Variants in CATSPERE observed in about 807,000 individuals in gnomAD.
The protein encoded by CATSPERE is catsper channel auxiliary subunit epsilon.
Under a neutral mutation model 114.1 loss-of-function variants are expected in CATSPERE, and 93 were observed. The ratio of observed to expected loss-of-function variants is 0.81; its 90% CI spans 0.69 to 0.97. CATSPERE has a LOEUF of 0.97. Ranked by LOEUF, CATSPERE falls within the 50% of genes least tolerant of loss-of-function variation. The probability of loss-of-function intolerance (pLI) is 0.00; values close to 1 mark genes in which losing one functional copy is unlikely to be tolerated. For missense variants in CATSPERE, 1,058 were observed against 1,131.6 expected, an observed-to-expected ratio of 0.93 and a Z score of 0.93; for synonymous variants, 341 against 384.1, an observed-to-expected ratio of 0.89 and a Z score of 1.31.
chr1:244,634,905 C>T (rs12059463), intron 20 of CATSPERE, among the ~76,000 whole-genome samples: 8,375 of 152,226 alleles, frequency 0.055, 792 homozygotes, highest in African/African-American at 0.19. Context: ...AGTGCAGCGG[C>T]GCAATCTCAG....
At chr1:244,462,659 G>A (rs1374549992) in intron 1 of CATSPERE, among the ~76,000 whole-genome samples, 1 of 152,130 alleles carries the variant, frequency 6.6e-6, no homozygotes, top group Non-Finnish European at 1.5e-5. Context: ...GATGACAATA[G>A]ATTTCATTTT....
At chr1:244,505,815 G>A (rs1674732253) in intron 7 of CATSPERE, among the ~76,000 whole-genome samples, 1 of 151,984 alleles carries the variant, frequency 6.6e-6, no homozygotes, top group African/African-American at 2.4e-5. Flanking sequence ...GACCATCCTG[G>A]CTAACACAGT....
chr1:244,592,943 C>G (rs1003213735), intron 15 of CATSPERE, among the ~76,000 whole-genome samples: 4 of 152,196 alleles, frequency 2.6e-5, no homozygotes, highest in African/African-American at 9.6e-5. Flanking sequence ...TCCTTGAGTT[C>G]ATGAACGTGA....
intron 8 of CATSPERE, among the ~76,000 whole-genome samples, chr1:244,525,495 TAAATA>T (rs969043677): frequency 6.2e-5 from 9 of 145,870 alleles, no homozygotes; most frequent in Non-Finnish European, 1.5e-5. Flanking sequence ...ATAATAATAA[TAAATA>T]AAATATAATA....
At chr1:244,634,604 A>G (rs1674378231) in intron 20 of CATSPERE, among the ~76,000 whole-genome samples, 1 of 152,244 alleles carries the variant, frequency 6.6e-6, no homozygotes, top group African/African-American at 2.4e-5. Flanking sequence ...CCTAATACTC[A>G]GCTTCCTGAA....
intron 7 of CATSPERE, among the ~76,000 whole-genome samples, chr1:244,515,816 C>T (rs1676514665): frequency 6.6e-6 from 1 of 150,626 alleles, no homozygotes; most frequent in African/African-American, 2.4e-5. Flanking sequence ...TTTTTAATAA[C>T]AATACTATTA....
chr1:244,503,055 T>C (rs1290819591), intron 7 of CATSPERE, among the ~76,000 whole-genome samples: 1 of 152,170 alleles, frequency 6.6e-6, no homozygotes, highest in African/African-American at 2.4e-5. Context: ...GATGCTTGAG[T>C]TGATGATGCT....
Position 244,471,338 on chromosome 1 carries a change from C to T in CATSPERE, c.115-6203C>T, listed in dbSNP as rs185289403. ...AATCAAGATCCAGATAAGGTTTATA[C>T]ATTATGATTATATATTTCTTTAGTT... On this transcript the variant is annotated intron_variant, in intron 2 of 21. Coordinates refer to ENST00000366534, the MANE Select transcript of CATSPERE (RefSeq NM_001130957.2). Among the ~76,000 whole-genome samples the T allele has an allele frequency of 1.1e-4, 16 of 152,202 alleles. No homozygotes were observed. In the East Asian group the frequency reaches 3.1e-3, roughly 29 times the overall value.
Position 244,610,561 on chromosome 1 carries a change from G to A in CATSPERE, c.2490+235G>A, listed in dbSNP as rs952087358. On this transcript the variant is annotated intron_variant, in intron 19 of 21. Transcript: ENST00000366534. ...TTTTCACTGCTGTAAATATGTGTTTGCAGATTATTAAATATGTGTTAAACA... is the reference window on the plus strand; with the variant it reads ...TTTTCACTGCTGTAAATATGTGTTTACAGATTATTAAATATGTGTTAAACA... 2.9e-5 allele frequency: 17 copies of A among 590,008 alleles called. 1 individual carries two copies. Among genetic ancestry groups the A allele is most frequent in the East Asian group, 2.0e-4 (6 of 29,542 alleles). 36.5% of individuals were successfully genotyped at this position (590,008 alleles called of 1,614,324 possible).
upstream of CATSPERE, chr1:244,451,867 T>G (rs1397444727): frequency 1.3e-6 from 2 of 1,489,442 alleles, no homozygotes; most frequent in Non-Finnish European, 8.9e-7. This position sits in a 1 kb window ranked among gnomAD's most constrained non-coding sequence, Gnocchi z 6.6. Flanking sequence ...CGGCGAGGAG[T>G]GAGCGAACTG....
chr1:244,493,155 A>G (rs1317613959), intron 6 of CATSPERE, among the ~76,000 whole-genome samples: 2 of 152,184 alleles, frequency 1.3e-5, no homozygotes. Flanking sequence ...CTAAGCCAAA[A>G]GAACAAAGCT....
At chr1:244,521,208 G>A (rs1349960057) in intron 8 of CATSPERE, among the ~76,000 whole-genome samples, 1 of 152,050 alleles carries the variant, frequency 6.6e-6, no homozygotes, top group African/African-American at 2.4e-5. Context: ...TTAAAAATTA[G>A]CCAAGTGTAG....
At chr1:244,625,428 A>ATTTTTTTTTTTTTTTTTTTTTTT (rs1234328450) in intron 20 of CATSPERE, among the ~76,000 whole-genome samples, 3 of 3,746 alleles carry the variant, frequency 8.0e-4, no homozygotes, top group East Asian at 0.017. Flanking sequence ...ATATATATAT[A>ATTTTTTTTTTTTTTTTTTTTTTT]TATATTTTTT....
intron 7 of CATSPERE, among the ~76,000 whole-genome samples, chr1:244,517,716 T>C (rs1472789217): frequency 1.3e-5 from 2 of 151,042 alleles, no homozygotes; most frequent in African/African-American, 4.9e-5. Context: ...GAGGTTGCAG[T>C]GAGCCGAGAT....
intron 19 of CATSPERE, 157 bp downstream of exon 19, chr1:244,610,483 G>T: frequency 1.4e-6 from 1 of 698,738 alleles, no homozygotes; most frequent in Non-Finnish European, 2.6e-6. Context: ...TTTTTAAAAT[G>T]CTTCATCTTA....
intron 10 of CATSPERE, among the ~76,000 whole-genome samples, chr1:244,571,010 A>G (rs1020834546): frequency 2.0e-5 from 3 of 152,222 alleles, no homozygotes; most frequent in Non-Finnish European, 2.9e-5. Flanking sequence ...ATCATGAAGC[A>G]ACTTGGACAT....
intron 8 of CATSPERE, among the ~76,000 whole-genome samples, chr1:244,549,566 A>T (rs1268785193): frequency 6.6e-6 from 1 of 152,202 alleles, no homozygotes; most frequent in Non-Finnish European, 1.5e-5. Flanking sequence ...AAGTTACAGA[A>T]TATTGGGAGA....
chr1:244,454,012 C>A (rs7518614), upstream of CATSPERE, among the ~76,000 whole-genome samples: 1 of 152,142 alleles, frequency 6.6e-6, no homozygotes, highest in African/African-American at 2.4e-5. Flanking sequence ...GGGATACTCC[C>A]GGAGTTCTTG....
chr1:244,629,017 A>G (rs1474360678), intron 20 of CATSPERE, among the ~76,000 whole-genome samples: 1 of 152,202 alleles, frequency 6.6e-6, no homozygotes, highest in South Asian at 2.1e-4. Flanking sequence ...CCCAGGTTTC[A>G]TGGTTACTTG....
Sources: gnomAD v4.1 joint callset for allele counts (sites outside exome capture counted in the v4.1 genomes callset) on GRCh38, gnomAD v4.1.1 for gene constraint, Gnocchi (gnomAD v3.1) non-coding constraint, MANE v1.5 for transcripts, NCBI Gene and HGNC (gene_info 2026-07-23, HGNC 2026-07-21) for gene names.